DBT: variants seen among roughly 807,000 people sequenced by gnomAD.
The protein encoded by DBT is dihydrolipoamide branched chain transacylase E2, also known as lipoamide acyltransferase component of branched-chain alpha-keto acid dehydrogenase complex, mitochondrial.
DBT carries 40 observed loss-of-function variants against 51.3 expected under a neutral mutation model. The observed-to-expected ratio is 0.78, with a 90% CI of 0.61 to 1.02. The LOEUF (loss-of-function observed/expected upper bound fraction) is 1.02. Among genes scored for constraint, DBT ranks in the 50% least tolerant of loss-of-function variants. DBT has a pLI of 0.00. For missense variants in DBT, 510 were observed against 580.2 expected (o/e 0.88, Z 1.24); for synonymous variants, 181 against 190.4 (o/e 0.95, Z 0.41).
chr1:100,225,244 C>G (rs1454066885), intron 4 of DBT, among the ~76,000 whole-genome samples: 5 of 151,632 alleles, frequency 3.3e-5, no homozygotes, highest in African/African-American at 1.2e-4. Flanking sequence ...ACTCTGTCAC[C>G]AGGCAACCAC....
intron 2 of DBT, among the ~76,000 whole-genome samples, chr1:100,239,851 CAAAAAA>C (rs56661922): frequency 4.1e-4 from 46 of 111,136 alleles, no homozygotes; most frequent in African/African-American, 8.0e-4. Context: ...CAACAGAGCT[CAAAAAA>C]AAAAAAAAAA....
At position 100,230,635 on chromosome 1, in the gene DBT, A is replaced by AC. The variant is rs903771342; in HGVS notation, c.433+97_433+98insG. On this transcript the variant is annotated intron_variant, in intron 4 of 10. Coordinates refer to ENST00000370132, the MANE Select transcript of DBT (RefSeq NM_001918.5). ...CTAAAAATAAATAGGAATAGAAAAA[A>AC]AAAAAACAAAAAAACAAAGATCACT... 6 of 777,320 alleles carry AC rather than the reference A, an allele frequency of 7.7e-6. No homozygotes were observed. The East Asian group carries it at 8.0e-5, about 10-fold the overall frequency. 48.2% of individuals were successfully genotyped at this position (777,320 alleles called of 1,614,324 possible).
rs1274711091 is a variant in DBT, at chr1:100,191,101, C to T, written c.*5154G>A. 6.6e-6 allele frequency: 1 copy of T among 152,102 alleles called. No homozygotes were observed. The highest frequency in any genetic ancestry group is 2.4e-5 in the African/African-American group (1 of 41,418). 9.4% of individuals were successfully genotyped at this position (152,102 alleles called of 1,614,324 possible). A position where few individuals can be genotyped will look rare whatever the true frequency, so the allele number is the denominator to read the frequency against. On this transcript the variant is annotated 3_prime_UTR_variant, in exon 11 of 11. Coordinates refer to ENST00000370132, the MANE Select transcript of DBT (RefSeq NM_001918.5). ...TGGGAATTTTAACTTAACCTTTTAC[C>T]TTTTACCATAATTAAGGTGCCAGTA...
At chr1:100,199,795 T>C (rs1049440868) in intron 10 of DBT, among the ~76,000 whole-genome samples, 1 of 151,720 alleles carries the variant, frequency 6.6e-6, no homozygotes, top group African/African-American at 2.4e-5. Flanking sequence ...GCGCAAGGGG[T>C]CAGGGAACTC....
At chr1:100,246,593 A>G (rs371380371) in intron 1 of DBT, among the ~76,000 whole-genome samples, 11 of 152,372 alleles carry the variant, frequency 7.2e-5, no homozygotes, top group African/African-American at 2.6e-4. Context: ...GGCTATTTTA[A>G]TAATTTACTA....
chr1:100,200,877 A>C (rs1661397217), intron 10 of DBT, among the ~76,000 whole-genome samples: 1 of 152,224 alleles, frequency 6.6e-6, no homozygotes, highest in Non-Finnish European at 1.5e-5. Flanking sequence ...AACAAAAAGG[A>C]CGACCATGCA....
chr1:100,230,652 A>AAAG, intron 4 of DBT, 81 bp downstream of exon 4: 1 of 885,266 alleles, frequency 1.1e-6, no homozygotes, highest in Non-Finnish European at 1.8e-6. Context: ...CAAAAAAACA[A>AAAG]AGATCACTTT....
At chr1:100,207,625 C>T (rs1661868114) in intron 8 of DBT, among the ~76,000 whole-genome samples, 1 of 151,968 alleles carries the variant, frequency 6.6e-6, no homozygotes, top group Non-Finnish European at 1.5e-5. Flanking sequence ...AGTTTGAGAC[C>T]AGCCTGGGCA....
At chr1:100,246,256 C>A (rs1174102176) in intron 1 of DBT, among the ~76,000 whole-genome samples, 1 of 151,088 alleles carries the variant, frequency 6.6e-6, no homozygotes, top group Non-Finnish European at 1.5e-5. Flanking sequence ...GACGCCGTCT[C>A]AAAAAAAATA....
chr1:100,243,281 GAAAA>G (rs1664331382), intron 1 of DBT, among the ~76,000 whole-genome samples: 1 of 145,956 alleles, frequency 6.9e-6, no homozygotes, highest in African/African-American at 2.5e-5. Context: ...AAAAAAGAAA[GAAAA>G]AAAGAAAAAT....
At chr1:100,198,247 A>G (rs1241292748) in intron 10 of DBT, among the ~76,000 whole-genome samples, 1 of 152,232 alleles carries the variant, frequency 6.6e-6, no homozygotes, top group African/African-American at 2.4e-5. Context: ...ACAAAAGGAC[A>G]AATACTGTAT....
chr1:100,225,655 C>T (rs927091788), intron 4 of DBT, among the ~76,000 whole-genome samples: 3 of 151,714 alleles, frequency 2.0e-5, no homozygotes, highest in Non-Finnish European at 4.4e-5. Context: ...TGAAACCTCA[C>T]CTCTACTAAA....
chr1:100,199,014 A>G (rs760257370), intron 10 of DBT, among the ~76,000 whole-genome samples: 1 of 152,198 alleles, frequency 6.6e-6, no homozygotes, highest in Non-Finnish European at 1.5e-5. Context: ...GGTATCCAGG[A>G]GCTTATTTGC....
intron 4 of DBT, among the ~76,000 whole-genome samples, 199 bp downstream of exon 4, chr1:100,230,534 C>T (rs929605827): frequency 2.0e-5 from 3 of 151,836 alleles, no homozygotes; most frequent in Non-Finnish European, 4.4e-5. Context: ...TTTGTCTTAT[C>T]CTACAATTCA....
chr1:100,235,155 A>T (rs1292018147), intron 3 of DBT, among the ~76,000 whole-genome samples: 4 of 152,330 alleles, frequency 2.6e-5, no homozygotes, highest in East Asian at 1.9e-4. Flanking sequence ...TTACATTCTT[A>T]CTAAAGTCAT....
intron 4 of DBT, 144 bp from the exon 5 acceptor site, chr1:100,218,891 C>A (rs1662652645): frequency 1.7e-6 from 1 of 595,028 alleles, no homozygotes. Context: ...TGAACTACTT[C>A]AGAATAGGAA....
chr1:100,198,729 T>C (rs1661251486), intron 10 of DBT, among the ~76,000 whole-genome samples: 1 of 152,104 alleles, frequency 6.6e-6, no homozygotes, highest in Admixed American at 6.6e-5. Flanking sequence ...TGTCTTTTTG[T>C]TTTTTCTCCC....
chr1:100,207,783 A>C (rs1661878087), intron 8 of DBT, among the ~76,000 whole-genome samples: 1 of 152,060 alleles, frequency 6.6e-6, no homozygotes, highest in Admixed American at 6.5e-5. Context: ...AGGTTACAAT[A>C]AGCTATGATT....
chr1:100,200,921 T>C (rs1388534669), intron 10 of DBT, among the ~76,000 whole-genome samples: 1 of 151,870 alleles, frequency 6.6e-6, no homozygotes, highest in Non-Finnish European at 1.5e-5. Context: ...ACAGCAAAGA[T>C]CAAAGGTAGA....
Sources: allele counts gnomAD v4.1 joint callset (sites outside exome capture counted in the v4.1 genomes callset), GRCh38; gene constraint gnomAD v4.1.1; transcripts MANE v1.5; gene names NCBI Gene and HGNC (gene_info 2026-07-23, HGNC 2026-07-21).